PCBP4: variants seen among roughly 807,000 people sequenced by gnomAD.
The protein encoded by PCBP4 is poly(rC) binding protein 4, also known as poly(rC)-binding protein 4.
Under a neutral mutation model 46.2 loss-of-function variants are expected in PCBP4, and 24 were observed. That is an observed-to-expected ratio of 0.52 (90% CI 0.38 to 0.73). The LOEUF is 0.73. Among genes scored for constraint, PCBP4 ranks in the 30% least tolerant of loss-of-function variants. PCBP4 has a pLI of 0.00. For missense variants in PCBP4, 407 were observed against 537.0 expected (o/e 0.76, Z 2.39); for synonymous variants, 203 against 224.4 (o/e 0.90, Z 0.85).
chr3:51,965,644 T>C (rs1700385325), intron 1 of PCBP4, among the ~76,000 whole-genome samples: 2 of 152,150 alleles, frequency 1.3e-5, no homozygotes, highest in South Asian at 4.1e-4. Flanking sequence ...CTGGGGACAT[T>C]TGGAACCAAA....
At chr3:51,966,710 G>C (rs1325288235) in intron 1 of PCBP4, among the ~76,000 whole-genome samples, 3 of 152,072 alleles carry the variant, frequency 2.0e-5, no homozygotes, top group African/African-American at 7.2e-5. Flanking sequence ...TCAAGATGGC[G>C]GGCCAGGGAT....
rs1446252427 is a variant in PCBP4 at position 51,958,047 on chromosome 3, T to C, written c.*14A>G. On this transcript the variant is annotated 3_prime_UTR_variant, in exon 14 of 14. Coordinates refer to ENST00000461554, the MANE Select transcript of PCBP4 (RefSeq NM_001174100.2). The surrounding 1 kb of genome is among the most constrained non-coding windows in gnomAD (Gnocchi z 5.4). ...TGGTGGTCCTGCCTGCCCCTGCCTG[T>C]ACCTCAGCTGGCCTCAGTAGGGGGA... 1 of 1,531,016 alleles carries C rather than the reference T, an allele frequency of 6.5e-7. No homozygotes were observed. Among genetic ancestry groups the C allele is most frequent in the Non-Finnish European group, 8.8e-7 (1 of 1,140,538 alleles). The allele number at this position is 1,531,016 out of a possible 1,614,324, so 94.8% of individuals were successfully genotyped here.
Position 51,959,728 on chromosome 3 carries a change from C to A in PCBP4, c.517-77G>T. Reference sequence around the variant, plus strand: ...TCCCCAGCTGCCCAGTGGCCTCAGGCCCCCACCATGACCCCCAGGGAAATG... The same window carrying A: ...TCCCCAGCTGCCCAGTGGCCTCAGGACCCCACCATGACCCCCAGGGAAATG... On this transcript the variant is annotated intron_variant, in intron 8 of 13. Coordinates refer to ENST00000461554, the MANE Select transcript of PCBP4 (RefSeq NM_001174100.2). The surrounding 1 kb of genome is among the most constrained non-coding windows in gnomAD (Gnocchi z 5.6). 6.8e-7 allele frequency: 1 copy of A among 1,470,316 alleles called. No homozygotes were observed. Among genetic ancestry groups the A allele is most frequent in the Admixed American group, 2.0e-5 (1 of 49,246 alleles). The allele number at this position is 1,470,316 out of a possible 1,614,324, so 91.1% of individuals were successfully genotyped here.
At position 51,961,268 on chromosome 3, in the gene PCBP4, G is replaced by T. The variant is rs1700163390; in HGVS notation, c.-28C>A. 6.2e-7 allele frequency: 1 copy of T among 1,605,832 alleles called. No homozygotes were observed. On this transcript the variant is annotated 5_prime_UTR_variant, in exon 3 of 14. Transcript: ENST00000461554. Reference sequence around the variant, plus strand: ...TGTCAGGCGAGGCTGGGGCCACAGCGACCTGCGAGTGTGTCCGCGCTGCAA... The same window carrying T: ...TGTCAGGCGAGGCTGGGGCCACAGCTACCTGCGAGTGTGTCCGCGCTGCAA...
intron 1 of PCBP4, among the ~76,000 whole-genome samples, chr3:51,966,355 G>C (rs1228837386): frequency 6.6e-6 from 1 of 152,190 alleles, no homozygotes; most frequent in Non-Finnish European, 1.5e-5. Flanking sequence ...GTGGGGGCTG[G>C]GATGGGGGTG....
intron 1 of PCBP4, among the ~76,000 whole-genome samples, 188 bp downstream of exon 1, chr3:51,967,138 C>T (rs1380257947): frequency 6.6e-6 from 1 of 152,100 alleles, no homozygotes; most frequent in Non-Finnish European, 1.5e-5. Flanking sequence ...CTCCCTGGTG[C>T]CAAGGGCGCC....
chr3:51,961,103 C>T, intron 3 of PCBP4, 57 bp downstream of exon 3: 1 of 1,613,964 alleles, frequency 6.2e-7, no homozygotes, highest in Non-Finnish European at 8.5e-7. Context: ...CTGGGATACC[C>T]AGTGAAACCC....
At position 51,959,208 on chromosome 3, in the gene PCBP4, C is replaced by T; in HGVS notation, c.700+21G>A. On this transcript the variant is annotated intron_variant, in intron 11 of 13. Transcript: ENST00000461554. The surrounding 1 kb of genome is among the most constrained non-coding windows in gnomAD (Gnocchi z 5.6). Reference sequence around the variant, plus strand: ...CCCTCTTAGGACCCTCCCCCTGCCTCCTTGTGCAGGGGTGGCTTACCTGGC... The same window carrying T: ...CCCTCTTAGGACCCTCCCCCTGCCTTCTTGTGCAGGGGTGGCTTACCTGGC... 6.2e-7 allele frequency: 1 copy of T among 1,613,362 alleles called. No individual in the cohort carries two copies. Among genetic ancestry groups the T allele is most frequent in the South Asian group, 1.1e-5 (1 of 91,072 alleles).
At position 51,960,446 on chromosome 3, in the gene PCBP4, C is replaced by T; in HGVS notation, c.255+80G>A. The T allele has an allele frequency of 6.5e-7, 1 of 1,545,800 alleles. No individual in the cohort carries two copies. Among genetic ancestry groups the T allele is most frequent in the Non-Finnish European group, 8.9e-7 (1 of 1,120,356 alleles). On this transcript the variant is annotated intron_variant, in intron 6 of 13. Coordinates refer to ENST00000461554, the MANE Select transcript of PCBP4 (RefSeq NM_001174100.2). The surrounding 1 kb of genome is among the most constrained non-coding windows in gnomAD (Gnocchi z 5.0). ...GCCCTGGGCTTGACCTCCCCTCCCA[C>T]CCATAGCCACTATCTGGAGTCAGAG...
Position 51,961,308 on chromosome 3 carries a change from G to A in PCBP4, c.-64-4C>T, listed in dbSNP as rs1700166661. 4 of 1,555,458 alleles carry A rather than the reference G, an allele frequency of 2.6e-6. No individual in the cohort carries two copies. The highest frequency in any genetic ancestry group is 1.2e-5 in the South Asian group (1 of 86,198). ...CCGCGCTGCAACCTGGCCGGCTCTGGCAGGGGCAGCCAAAGAGGGGTTCGA... is the reference window on the plus strand; with the variant it reads ...CCGCGCTGCAACCTGGCCGGCTCTGACAGGGGCAGCCAAAGAGGGGTTCGA... On this transcript the variant is annotated splice_polypyrimidine_tract_variant and splice_region_variant and intron_variant, in intron 2 of 13. Coordinates refer to ENST00000461554, the MANE Select transcript of PCBP4 (RefSeq NM_001174100.2).
chr3:51,963,938 G>A (rs1436562767), intron 1 of PCBP4, among the ~76,000 whole-genome samples: 3 of 152,234 alleles, frequency 2.0e-5, no homozygotes, highest in Admixed American at 6.5e-5. Context: ...GCTCTAGGGA[G>A]TCATTTGCTG....
rs548336947 is a variant in PCBP4, at chr3:51,966,915, G to A, written c.-213+411C>T. Among the ~76,000 whole-genome samples, 28 of 152,066 alleles carry A rather than the reference G, an allele frequency of 1.8e-4. 1 individual carries two copies. In the South Asian group the frequency reaches 5.8e-3, roughly 32 times the overall value. On this transcript the variant is annotated intron_variant, in intron 1 of 13. Coordinates refer to ENST00000461554, the MANE Select transcript of PCBP4 (RefSeq NM_001174100.2). ...CCAGCTGTCATCTCCATACACCCCT[G>A]GCCTGGAGGTCTGTATCTGGCTCCC...
At chr3:51,965,157 T>C (rs1244759747) in intron 1 of PCBP4, among the ~76,000 whole-genome samples, 1 of 152,204 alleles carries the variant, frequency 6.6e-6, no homozygotes, top group Non-Finnish European at 1.5e-5. Context: ...CCAATCTCCA[T>C]GCTGAAAACT....
rs1030728327 is a variant in PCBP4 at position 51,966,674 on chromosome 3, G to A, written c.-213+652C>T. ...GACCACTCCCCTGGGTGCTGGGGCCGGGTGGGGCACTGGGTGCCACAGGTC... is the reference window on the plus strand; with the variant it reads ...GACCACTCCCCTGGGTGCTGGGGCCAGGTGGGGCACTGGGTGCCACAGGTC... On this transcript the variant is annotated intron_variant, in intron 1 of 13. Transcript: ENST00000461554. Among the ~76,000 whole-genome samples the A allele has an allele frequency of 1.5e-4, 23 of 152,226 alleles. 1 individual carries two copies. The highest frequency in any genetic ancestry group is 3.4e-3 in the Middle Eastern group (1 of 294).
In PCBP4 at chr3:51,959,747, G is replaced by A. The variant is rs1700051274; in HGVS notation, c.517-96C>T. On this transcript the variant is annotated intron_variant, in intron 8 of 13. Coordinates refer to ENST00000461554, the MANE Select transcript of PCBP4 (RefSeq NM_001174100.2). The surrounding 1 kb of genome is among the most constrained non-coding windows in gnomAD (Gnocchi z 5.6). The stretch of plus-strand genomic sequence containing the variant: ...CTCAGGCCCCCACCATGACCCCCAG[G>A]GAAATGCACATGATCCCTGGAGCTC... 1.4e-6 allele frequency: 2 copies of A among 1,462,658 alleles called. No homozygotes were observed. The highest frequency in any genetic ancestry group is 1.9e-6 in the Non-Finnish European group (2 of 1,074,148). 90.6% of individuals were successfully genotyped at this position (1,462,658 alleles called of 1,614,324 possible).
Position 51,958,245 on chromosome 3 carries a change from G to A in PCBP4, c.1028C>T (p.Pro343Leu). Residue 343 changes from proline to leucine, a missense_variant, in exon 14 of 14, where the codon CCT (proline) becomes CTT (leucine). Physicochemically the swap from Pro to Leu is moderately conservative, Grantham distance 98. Coordinates refer to ENST00000461554, the MANE Select transcript of PCBP4 (RefSeq NM_001174100.2). This position sits in a 1 kb window ranked among gnomAD's most constrained non-coding sequence, Gnocchi z 5.4. ...GGCATAGGGTGTGCCCAGCAGGCCA[G>A]GGGGAGCTGTGGGCAGGGCCGTCAG... is the stretch of plus-strand genomic sequence containing the variant. ...PPLTALPTAP[P>L]GLLGTPYAIS... 1 of 1,603,448 alleles carries A rather than the reference G, an allele frequency of 6.2e-7. No homozygotes were observed. Among genetic ancestry groups the A allele is most frequent in the Non-Finnish European group, 8.5e-7 (1 of 1,175,282 alleles).
rs184942477 is a variant in PCBP4, at chr3:51,966,829, G to A, written c.-213+497C>T. Among the ~76,000 whole-genome samples the A allele has an allele frequency of 8.6e-4, 126 of 147,010 alleles. No homozygotes were observed. The South Asian group carries it at 0.02, about 23-fold the overall frequency. ...CCCCACCCCCCAGGACCCCAGCCAA[G>A]AAGCTAGGTCAGAGCTGAAGGGCTG... is the stretch of plus-strand genomic sequence containing the variant. On this transcript the variant is annotated intron_variant, in intron 1 of 13. Coordinates refer to ENST00000461554, the MANE Select transcript of PCBP4 (RefSeq NM_001174100.2).
rs760005538 is a variant in PCBP4 at position 51,958,162 on chromosome 3, C to T, written c.1111G>A (p.Ala371Thr). Residue 371 changes from alanine (A) to threonine (T), a missense_variant, in exon 14 of 14, where the codon GCT becomes ACT. Coordinates refer to ENST00000461554, the MANE Select transcript of PCBP4 (RefSeq NM_001174100.2). This position sits in a 1 kb window ranked among gnomAD's most constrained non-coding sequence, Gnocchi z 5.4. ...AAGCCCGGCGGCGGCCCTGGGGAAG[C>T]AGGTGGTAAAGCCAAGAAGGGCATG... ...KPMPFLALPPASPGPPPGLAA... is the reference protein window; with the variant it reads ...KPMPFLALPPTSPGPPPGLAA... The T allele has an allele frequency of 1.9e-6, 3 of 1,612,990 alleles. No homozygotes were observed. In the African/African-American group the frequency reaches 4.0e-5, roughly 22 times the overall value.
At position 51,965,451 on chromosome 3, in the gene PCBP4, G is replaced by A. The variant is rs573820686; in HGVS notation, c.-213+1875C>T. ...ACCTCCTCTGTGAAGCCCTCCGCAG[G>A]CTTCCAAGTCAGATGTGATCACTCA... On this transcript the variant is annotated intron_variant, in intron 1 of 13. Transcript: ENST00000461554. 1.1e-3 allele frequency among the ~76,000 whole-genome samples: 168 copies of A among 152,278 alleles called. 1 individual carries two copies. The highest frequency in any genetic ancestry group is 3.8e-3 in the African/African-American group (158 of 41,558).
Sources: gnomAD v4.1 joint callset for allele counts (sites outside exome capture counted in the v4.1 genomes callset) on GRCh38, gnomAD v4.1.1 for gene constraint, Gnocchi (gnomAD v3.1) non-coding constraint, MANE v1.5 for transcripts, NCBI Gene and HGNC (gene_info 2026-07-23, HGNC 2026-07-21) for gene names.